Variants in PCCA observed in about 807,000 individuals in gnomAD.
PCCA encodes the protein propionyl-CoA carboxylase alpha chain, mitochondrial.
A neutral mutation model predicts 101.3 loss-of-function variants in PCCA; 74 were observed. The observed-to-expected ratio is 0.73, with a 90% CI of 0.61 to 0.89. The LOEUF (loss-of-function observed/expected upper bound fraction) is 0.89. Among genes scored for constraint, PCCA ranks in the 40% least tolerant of loss-of-function variants. The pLI, the probability that PCCA is intolerant of heterozygous loss-of-function variation, is 0.00. For missense variants in PCCA, 891 were observed against 907.0 expected, an observed-to-expected ratio of 0.98 and a Z score of 0.23; for synonymous variants, 294 against 313.6, an observed-to-expected ratio of 0.94 and a Z score of 0.66.
chr13:100,146,973 A>G (rs752896306), intron 4 of PCCA, among the ~76,000 whole-genome samples: 23 of 151,748 alleles, frequency 1.5e-4, no homozygotes, highest in Non-Finnish European at 3.2e-4. Context: ...ATTACTAGAA[A>G]TACTGGGTAG....
chr13:100,282,386 C>G (rs553643837), intron 12 of PCCA, among the ~76,000 whole-genome samples: 2 of 152,316 alleles, frequency 1.3e-5, no homozygotes, highest in African/African-American at 4.8e-5. Flanking sequence ...ACTGTGGGAG[C>G]CCCTTTCTGG....
chr13:100,194,716 G>T (rs943945519), intron 6 of PCCA, among the ~76,000 whole-genome samples: 1 of 152,154 alleles, frequency 6.6e-6, no homozygotes, highest in African/African-American at 2.4e-5. Context: ...ACTGCGCCCG[G>T]CCGTAAAATT....
chr13:100,201,921 C>G (rs2058536465), intron 6 of PCCA, among the ~76,000 whole-genome samples: 1 of 149,030 alleles, frequency 6.7e-6, no homozygotes, highest in African/African-American at 2.5e-5. Context: ...CCAGATTTGG[C>G]CTACACACTA....
chr13:100,260,022 T>C (rs1374991673), intron 9 of PCCA, among the ~76,000 whole-genome samples: 1 of 152,184 alleles, frequency 6.6e-6, no homozygotes, highest in Non-Finnish European at 1.5e-5. Context: ...TTACTTGTGG[T>C]GTTCTGGGTT....
intron 1 of PCCA, among the ~76,000 whole-genome samples, chr13:100,094,878 G>A (rs1246361001): frequency 7.2e-5 from 11 of 152,160 alleles, no homozygotes; most frequent in Non-Finnish European, 2.9e-5. Context: ...GTGAGCCACC[G>A]TGCCTGCCCT....
At chr13:100,529,104 C>CA (rs1336532640) in intron 23 of PCCA, among the ~76,000 whole-genome samples, 1 of 152,174 alleles carries the variant, frequency 6.6e-6, no homozygotes, top group African/African-American at 2.4e-5. Flanking sequence ...ACCCCATCCC[C>CA]AGGCCTCTCA....
intron 2 of PCCA, among the ~76,000 whole-genome samples, chr13:100,107,175 T>C (rs937122593): frequency 6.6e-6 from 1 of 152,258 alleles, no homozygotes; most frequent in Non-Finnish European, 1.5e-5. Flanking sequence ...ATTTTATCAG[T>C]GACTTACATC....
intron 1 of PCCA, among the ~76,000 whole-genome samples, chr13:100,091,965 G>C (rs1304121257): frequency 6.6e-6 from 1 of 151,840 alleles, no homozygotes; most frequent in Non-Finnish European, 1.5e-5. Context: ...TCTGTTGCCA[G>C]GCTGGAGTGC....
intron 16 of PCCA, among the ~76,000 whole-genome samples, chr13:100,315,933 G>A (rs1046541968): frequency 6.6e-6 from 1 of 152,198 alleles, no homozygotes; most frequent in South Asian, 2.1e-4. Flanking sequence ...AAATAGTGTT[G>A]TCTTTCCTGG....
intron 6 of PCCA, among the ~76,000 whole-genome samples, chr13:100,186,743 A>AAAAAAAAAAAC (rs1247103388): frequency 6.6e-6 from 1 of 151,312 alleles, no homozygotes; most frequent in African/African-American, 2.4e-5. Context: ...CATCTCAAAA[A>AAAAAAAAAAAC]AAAAACAAAA....
intron 21 of PCCA, among the ~76,000 whole-genome samples, chr13:100,496,076 C>T (rs561750121): frequency 2.0e-5 from 3 of 152,268 alleles, no homozygotes; most frequent in African/African-American, 7.2e-5. Flanking sequence ...TGTATTTCAT[C>T]GACACAGGAC....
At chr13:100,402,681 A>G (rs2077438791) in intron 19 of PCCA, among the ~76,000 whole-genome samples, 1 of 152,168 alleles carries the variant, frequency 6.6e-6, no homozygotes. Context: ...CAGAGCAAGG[A>G]AAGACCCAGC....
chr13:100,436,139 A>C (rs1595892813), intron 20 of PCCA, among the ~76,000 whole-genome samples: 2 of 152,262 alleles, frequency 1.3e-5, no homozygotes, highest in East Asian at 3.9e-4. Context: ...CCGGATACCG[A>C]ATCTTCTTGG....
intron 19 of PCCA, among the ~76,000 whole-genome samples, chr13:100,405,976 A>G (rs1433232535): frequency 6.6e-6 from 1 of 152,078 alleles, no homozygotes; most frequent in African/African-American, 2.4e-5. Context: ...CATGTTGGCC[A>G]GGATGGTCTC....
chr13:100,391,358 G>C (rs1256779186), intron 19 of PCCA, among the ~76,000 whole-genome samples: 1 of 152,180 alleles, frequency 6.6e-6, no homozygotes, highest in Non-Finnish European at 1.5e-5. Flanking sequence ...TGGCTGCTGT[G>C]GGGGAAGAGG....
At chr13:100,191,446 C>T (rs1472458445) in intron 6 of PCCA, among the ~76,000 whole-genome samples, 1 of 152,146 alleles carries the variant, frequency 6.6e-6, no homozygotes, top group East Asian at 1.9e-4. Flanking sequence ...CGGGTCACCT[C>T]CGTCCTAAGT....
At chr13:100,257,917 T>G (rs1380097224) in intron 9 of PCCA, among the ~76,000 whole-genome samples, 1 of 152,210 alleles carries the variant, frequency 6.6e-6, no homozygotes, top group African/African-American at 2.4e-5. Context: ...ATTTTCTTTT[T>G]GTTTTTACCG....
At chr13:100,146,947 G>C (rs2052645653) in intron 4 of PCCA, among the ~76,000 whole-genome samples, 1 of 150,862 alleles carries the variant, frequency 6.6e-6, no homozygotes, top group South Asian at 2.1e-4. Flanking sequence ...GGTTAAATAA[G>C]TTATGGTTCA....
intron 4 of PCCA, among the ~76,000 whole-genome samples, chr13:100,152,414 G>A: frequency 6.7e-6 from 1 of 149,606 alleles, no homozygotes; most frequent in Non-Finnish European, 1.5e-5. Context: ...AATATATTAG[G>A]CTCTGAGCTA....
Sources: gnomAD v4.1 joint callset for allele counts (sites outside exome capture counted in the v4.1 genomes callset) on GRCh38, gnomAD v4.1.1 for gene constraint, MANE v1.5 for transcripts, NCBI Gene and HGNC (gene_info 2026-07-23, HGNC 2026-07-21) for gene names.